CYP27C1: variants seen among roughly 807,000 people sequenced by gnomAD.
CYP27C1 encodes cytochrome P450 27C1.
CYP27C1 carries 29 observed loss-of-function variants against 40.6 expected under a neutral mutation model. The ratio of observed to expected loss-of-function variants is 0.71; its 90% CI spans 0.53 to 0.97. The LOEUF is 0.97. Ranked by LOEUF, CYP27C1 falls within the 50% of genes least tolerant of loss-of-function variation. CYP27C1 has a pLI of 0.00. For synonymous variants in CYP27C1, 198 were observed against 186.8 expected, an observed-to-expected ratio of 1.06 and a Z score of -0.49; for missense variants, 390 against 485.8, an observed-to-expected ratio of 0.80 and a Z score of 1.85.
At chr2:127,204,490 A>AAAGAAAGACAGACAGACAGACTGC (rs1683146400) in intron 2 of CYP27C1, among the ~76,000 whole-genome samples, 1 of 52,988 alleles carries the variant, frequency 1.9e-5, no homozygotes, top group African/African-American at 6.8e-5. Context: ...GAAAGAAAGG[A>AAAGAAAGACAGACAGACAGACTGC]AGGAAGGAAG....
chr2:127,209,666 C>A lies in CYP27C1; in HGVS notation c.283-3576G>T, dbSNP rs1430083214. On this transcript the variant is annotated intron_variant, in intron 1 of 8. Coordinates refer to ENST00000664447, the MANE Select transcript of CYP27C1 (RefSeq NM_001367502.1). This position sits in a 1 kb window ranked among gnomAD's most constrained non-coding sequence, Gnocchi z 4.1. ...CTAGAATAACCAGTTTAGAGAGGAA[C>A]ATAAATGACCAGATGGAGCTGAAAA... Among the ~76,000 whole-genome samples the A allele has an allele frequency of 6.6e-6, 1 of 152,156 alleles. No homozygotes were observed. The highest frequency in any genetic ancestry group is 1.5e-5 in the Non-Finnish European group (1 of 68,018).
At chr2:127,189,893 C>T (rs1682725791) in intron 8 of CYP27C1, among the ~76,000 whole-genome samples, 1 of 152,242 alleles carries the variant, frequency 6.6e-6, no homozygotes, top group South Asian at 2.1e-4. Context: ...AATTATTAAT[C>T]AGTCAGGCCA....
At chr2:127,187,634 G>A (rs1682661873) in intron 8 of CYP27C1, among the ~76,000 whole-genome samples, 1 of 152,186 alleles carries the variant, frequency 6.6e-6, no homozygotes, top group Non-Finnish European at 1.5e-5. Context: ...CAGCCGGTGG[G>A]ACAGAGATGC....
Position 127,193,271 on chromosome 2 carries a change from G to A in CYP27C1, c.1320C>T (p.Ala440=). ...GGAAGTTCTCATCCTGGTACGATGTGGCATAGTGGCAAAGGGCCAGCTGGG... is the reference window on the plus strand; with the variant it reads ...GGAAGTTCTCATCCTGGTACGATGTAGCATAGTGGCAAAGGGCCAGCTGGG... ...KGTQLALCHY[A]TSYQDENFPR... The change falls in exon 8 of 9, where the codon GCC becomes GCT. Residue 440 remains alanine, a synonymous_variant. Coordinates refer to ENST00000664447, the MANE Select transcript of CYP27C1 (RefSeq NM_001367502.1). 1 of 1,614,200 alleles carries A rather than the reference G, an allele frequency of 6.2e-7. No individual in the cohort carries two copies.
chr2:127,191,809 C>T (rs375968057), intron 8 of CYP27C1, among the ~76,000 whole-genome samples: 24 of 152,338 alleles, frequency 1.6e-4, no homozygotes, highest in East Asian at 1.4e-3. Context: ...CACTCACATA[C>T]TCCCAGGGAC....
intron 5 of CYP27C1, 28 bp downstream of exon 5, chr2:127,199,348 T>C: frequency 6.2e-7 from 1 of 1,609,458 alleles, no homozygotes; most frequent in Non-Finnish European, 8.5e-7. Context: ...CGTGTGTTGC[T>C]TGCTGAGAAC....
At chr2:127,189,019 A>G (rs72843695) in intron 8 of CYP27C1, among the ~76,000 whole-genome samples, 15,502 of 152,158 alleles carry the variant, frequency 0.1, 888 homozygotes, top group South Asian at 0.23. Context: ...ACGCCTGCTC[A>G]TTCCCATGCG....
At position 127,186,006 on chromosome 2, in the gene CYP27C1, C is replaced by A. The variant is rs550726415; in HGVS notation, c.*1265G>T. Reference sequence around the variant, plus strand: ...TCTTGTGTGGATATTTAAAACAACACCATCAAGATAAAAATATTGTTGTAT... The same window carrying A: ...TCTTGTGTGGATATTTAAAACAACAACATCAAGATAAAAATATTGTTGTAT... On this transcript the variant is annotated 3_prime_UTR_variant, in exon 9 of 9. Transcript: ENST00000664447. The surrounding 1 kb of genome is among the most constrained non-coding windows in gnomAD (Gnocchi z 4.5). 1 of 152,194 alleles carries A rather than the reference C, an allele frequency of 6.6e-6. No homozygotes were observed. Among genetic ancestry groups the A allele is most frequent in the African/African-American group, 2.4e-5 (1 of 41,464 alleles). 9.4% of individuals were successfully genotyped at this position (152,194 alleles called of 1,614,324 possible).
rs1558930969 is a variant in CYP27C1 at position 127,204,468 on chromosome 2, GAAAGAAAGA to G, written c.474-906_474-898del. Among the ~76,000 whole-genome samples, 146 of 58,682 alleles carry G rather than the reference GAAAGAAAGA, an allele frequency of 2.5e-3. 19 individuals carry two copies. Among genetic ancestry groups the G allele is most frequent in the Non-Finnish European group, 2.1e-3 (63 of 29,530 alleles). The allele number at this position is 58,682 out of a possible 152,430, so 38.5% of individuals were successfully genotyped here. ...AGAAAGAAAGAAAGAAAGAAAGAAA[GAAAGAAAGA>G]AAGAAAGAAAGGAAGGAAGGAAGGA... On this transcript the variant is annotated intron_variant, in intron 2 of 8. Coordinates refer to ENST00000664447, the MANE Select transcript of CYP27C1 (RefSeq NM_001367502.1).
Position 127,200,941 on chromosome 2 carries a change from C to T in CYP27C1, c.883+181G>A, listed in dbSNP as rs11680885. Among the ~76,000 whole-genome samples the T allele has an allele frequency of 0.23, 34,861 of 151,116 alleles. 4,732 individuals carry two copies. Among genetic ancestry groups the T allele is most frequent in the South Asian group, 0.39 (1,856 of 4,782 alleles). Reference sequence around the variant, plus strand: ...TCACACCACTGCACTCCAGCATGGGCGACAGAGCCAGACTCCGTCTCAAAA... The same window carrying T: ...TCACACCACTGCACTCCAGCATGGGTGACAGAGCCAGACTCCGTCTCAAAA... On this transcript the variant is annotated intron_variant, in intron 4 of 8. Coordinates refer to ENST00000664447, the MANE Select transcript of CYP27C1 (RefSeq NM_001367502.1). This position sits in a 1 kb window ranked among gnomAD's most constrained non-coding sequence, Gnocchi z 4.2.
chr2:127,205,221 C>T (rs1352408694), intron 2 of CYP27C1, among the ~76,000 whole-genome samples: 1 of 152,200 alleles, frequency 6.6e-6, no homozygotes, highest in African/African-American at 2.4e-5. Context: ...TTGAGGGACC[C>T]TGGTGACATC....
At chr2:127,189,168 G>GCCC (rs34707287) in intron 8 of CYP27C1, among the ~76,000 whole-genome samples, 29 of 129,216 alleles carry the variant, frequency 2.2e-4, no homozygotes, top group African/African-American at 6.9e-4. Flanking sequence ...AAAAAACACT[G>GCCC]CCCCCCCCCT....
chr2:127,204,457 AAAGAAAGAAAG>A (rs1683131383), intron 2 of CYP27C1, among the ~76,000 whole-genome samples: 1 of 38,980 alleles, frequency 2.6e-5, no homozygotes, highest in South Asian at 6.7e-4. Context: ...AGAAAGAAAG[AAAGAAAGAAAG>A]AAAGAAAGAA....
Position 127,200,235 on chromosome 2 carries a change from C to G in CYP27C1, c.884-696G>C, listed in dbSNP as rs747876243. On this transcript the variant is annotated intron_variant, in intron 4 of 8. Coordinates refer to ENST00000664447, the MANE Select transcript of CYP27C1 (RefSeq NM_001367502.1). The surrounding 1 kb of genome is among the most constrained non-coding windows in gnomAD (Gnocchi z 4.2). Reference sequence around the variant, plus strand: ...CCTCAGGTGATCCTCCCACCTCGGCCTCCCAAAGTGCTGGGATTACAGGCG... The same window carrying G: ...CCTCAGGTGATCCTCCCACCTCGGCGTCCCAAAGTGCTGGGATTACAGGCG... Among the ~76,000 whole-genome samples, 6 of 152,354 alleles carry G rather than the reference C, an allele frequency of 3.9e-5. No individual in the cohort carries two copies. Among genetic ancestry groups the G allele is most frequent in the Admixed American group, 6.5e-5 (1 of 15,308 alleles).
Position 127,195,439 on chromosome 2 carries a change from C to G in CYP27C1, c.1110G>C (p.Thr370=). The G allele has an allele frequency of 6.2e-7, 1 of 1,614,116 alleles. No individual in the cohort carries two copies. Among genetic ancestry groups the G allele is most frequent in the Non-Finnish European group, 8.5e-7 (1 of 1,180,034 alleles). The change falls in exon 6 of 9, where the codon ACG becomes ACC. Residue 370 remains threonine, a synonymous_variant. Transcript: ENST00000664447. The surrounding 1 kb of genome is among the most constrained non-coding windows in gnomAD (Gnocchi z 6.2). ...AATTCTTCACAATCTCCCGGTACACCGTCTGCTGCACTTCTGGGTGCCTTG... is the reference window on the plus strand; with the variant it reads ...AATTCTTCACAATCTCCCGGTACACGGTCTGCTGCACTTCTGGGTGCCTTG... ...LLARHPEVQQ[T]VYREIVKNLG... is the part of the protein sequence containing the mutation.
In CYP27C1 at chr2:127,208,847, C is replaced by T. The variant is rs1414536189; in HGVS notation, c.283-2757G>A. Reference sequence around the variant, plus strand: ...CAGTCAGAGGCTCGGGGACAGAACTCTGATCTCCCTGGGCCTGAGCCCTTG... The same window carrying T: ...CAGTCAGAGGCTCGGGGACAGAACTTTGATCTCCCTGGGCCTGAGCCCTTG... On this transcript the variant is annotated intron_variant, in intron 1 of 8. Transcript: ENST00000664447. The surrounding 1 kb of genome is among the most constrained non-coding windows in gnomAD (Gnocchi z 5.2). 6.6e-6 allele frequency among the ~76,000 whole-genome samples: 1 copy of T among 152,148 alleles called. No individual in the cohort carries two copies. Among genetic ancestry groups the T allele is most frequent in the African/African-American group, 2.4e-5 (1 of 41,422 alleles).
chr2:127,205,693 G>A (rs1177330472), intron 2 of CYP27C1: 8 of 985,414 alleles, frequency 8.1e-6, no homozygotes, highest in African/African-American at 1.7e-5. Flanking sequence ...GGCTCCTGAC[G>A]GGACAACTCT....
chr2:127,216,820 A>G (rs1573909224), intron 1 of CYP27C1, among the ~76,000 whole-genome samples: 1 of 152,300 alleles, frequency 6.6e-6, no homozygotes, highest in Non-Finnish European at 1.5e-5. Flanking sequence ...GAAAGTTACT[A>G]AGACTCTCTT....
At chr2:127,204,581 G>GA (rs1683174185) in intron 2 of CYP27C1, among the ~76,000 whole-genome samples, 1 of 87,868 alleles carries the variant, frequency 1.1e-5, no homozygotes, top group Non-Finnish European at 2.3e-5. Flanking sequence ...AAGAAAGAAA[G>GA]AAAGAAAGAA....
Sources: allele counts gnomAD v4.1 joint callset (sites outside exome capture counted in the v4.1 genomes callset), GRCh38; gene constraint gnomAD v4.1.1; non-coding constraint Gnocchi (gnomAD v3.1); transcripts MANE v1.5; gene names NCBI Gene and HGNC (gene_info 2026-07-23, HGNC 2026-07-21).